The following CADM1 variants were observed in gnomAD, a reference collection of about 807,000 sequenced individuals.
CADM1 encodes cell adhesion molecule 1.
In CADM1, 15 loss-of-function variants were observed where a neutral mutation model predicts 53.1. The ratio of observed to expected loss-of-function variants is 0.28; its 90% CI spans 0.19 to 0.44. The LOEUF (loss-of-function observed/expected upper bound fraction) is 0.44. Among genes scored for constraint, CADM1 ranks in the 20% least tolerant of loss-of-function variants. The probability of loss-of-function intolerance (pLI) is 1.00; values close to 1 mark genes in which losing one functional copy is unlikely to be tolerated. For missense variants in CADM1, 434 were observed against 611.3 expected, an observed-to-expected ratio of 0.71 and a Z score of 3.06; for synonymous variants, 281 against 243.0, an observed-to-expected ratio of 1.16 and a Z score of -1.45.
At chr11:115,376,234 A>C (rs184362325) in intron 1 of CADM1, among the ~76,000 whole-genome samples, 2 of 152,308 alleles carry the variant, frequency 1.3e-5, no homozygotes, top group Admixed American at 1.3e-4. Flanking sequence ...TCTGGCTACC[A>C]TGAGGATTAA....
chr11:115,345,381 G>C (rs1945550081), intron 1 of CADM1, among the ~76,000 whole-genome samples: 1 of 152,130 alleles, frequency 6.6e-6, no homozygotes, highest in African/African-American at 2.4e-5. Flanking sequence ...AAATGTCAGT[G>C]CTCAGCAAGG....
At chr11:115,179,770 C>G (rs1427174360) in intron 10 of CADM1, among the ~76,000 whole-genome samples, 6 of 152,126 alleles carry the variant, frequency 3.9e-5, no homozygotes, top group Non-Finnish European at 7.4e-5. Flanking sequence ...AAATGATTTA[C>G]TAGCTGTACC....
At chr11:115,348,045 T>C (rs1945629188) in intron 1 of CADM1, among the ~76,000 whole-genome samples, 1 of 152,206 alleles carries the variant, frequency 6.6e-6, no homozygotes, top group South Asian at 2.1e-4. Context: ...GAACAGATTA[T>C]TCATTTTTGG....
intron 4 of CADM1, 26 bp downstream of exon 4, chr11:115,231,327 T>G (rs761745748): frequency 6.2e-7 from 1 of 1,613,666 alleles, no homozygotes; most frequent in Non-Finnish European, 8.5e-7. Context: ...GCTAACTACT[T>G]CAGTGTGTGG....
At chr11:115,194,584 C>G (rs187851127) in intron 9 of CADM1, among the ~76,000 whole-genome samples, 92 of 152,268 alleles carry the variant, frequency 6.0e-4, no homozygotes, top group Non-Finnish European at 9.7e-4. Context: ...TTCATGAGAT[C>G]ATCAGCCTCT....
In CADM1 at chr11:115,327,632, C is replaced by T. The variant is rs143515271; in HGVS notation, c.125-87212G>A. ...ACACAACACACCTACTGAGACCCAA[C>T]TTCATGACTAGAAGGCAGGAGAGTA... On this transcript the variant is annotated intron_variant, in intron 1 of 11. Coordinates refer to ENST00000331581, the MANE Select transcript of CADM1 (RefSeq NM_001301043.2). 4.7e-3 allele frequency among the ~76,000 whole-genome samples: 711 copies of T among 152,218 alleles called. 8 individuals carry two copies. The highest frequency in any genetic ancestry group is 0.016 in the African/African-American group (660 of 41,538).
intron 1 of CADM1, among the ~76,000 whole-genome samples, chr11:115,345,333 C>T (rs1945548935): frequency 6.6e-6 from 1 of 152,164 alleles, no homozygotes; most frequent in African/African-American, 2.4e-5. Flanking sequence ...TGTACCCCTC[C>T]TCATACATAA....
chr11:115,357,903 G>A (rs1945919352), intron 1 of CADM1, among the ~76,000 whole-genome samples: 1 of 152,046 alleles, frequency 6.6e-6, no homozygotes, highest in Non-Finnish European at 1.5e-5. Flanking sequence ...TCTGTCTTTT[G>A]GGAGCTTACA....
In CADM1 at chr11:115,238,490, C is replaced by T. The variant is rs183326317; in HGVS notation, c.424+10G>A. The T allele has an allele frequency of 6.2e-6, 10 of 1,613,576 alleles. No individual in the cohort carries two copies. The highest frequency in any genetic ancestry group is 1.7e-4 in the Middle Eastern group (1 of 6,056). ...CATTTCCCCGGGTAAGCCCCACATG[C>T]GTTTCTTACCCAGGACTGTGATGGT... On this transcript the variant is annotated intron_variant, in intron 3 of 11. Coordinates refer to ENST00000331581, the MANE Select transcript of CADM1 (RefSeq NM_001301043.2).
chr11:115,501,197 C>T (rs1020376351), intron 1 of CADM1, among the ~76,000 whole-genome samples: 1 of 152,150 alleles, frequency 6.6e-6, no homozygotes, highest in African/African-American at 2.4e-5. Flanking sequence ...TCCAGTGACA[C>T]ACTGTAAATA....
At chr11:115,356,384 A>G (rs1027480919) in intron 1 of CADM1, among the ~76,000 whole-genome samples, 2 of 152,076 alleles carry the variant, frequency 1.3e-5, no homozygotes, top group Admixed American at 6.6e-5. Context: ...TGTCTCCAAA[A>G]GCAAAACTAC....
At chr11:115,321,985 A>G (rs1449138768) in intron 1 of CADM1, among the ~76,000 whole-genome samples, 1 of 152,196 alleles carries the variant, frequency 6.6e-6, no homozygotes, top group Admixed American at 6.6e-5. Context: ...TACAGTCGCT[A>G]AAGTACATTT....
chr11:115,351,540 G>A (rs1167542003), intron 1 of CADM1, among the ~76,000 whole-genome samples: 2 of 152,126 alleles, frequency 1.3e-5, no homozygotes, highest in African/African-American at 4.8e-5. Flanking sequence ...TGAAATCAGC[G>A]AGCAATGAAG....
intron 1 of CADM1, among the ~76,000 whole-genome samples, chr11:115,424,534 T>A (rs542187376): frequency 6.6e-6 from 1 of 152,276 alleles, no homozygotes; most frequent in African/African-American, 2.4e-5. Context: ...GTTTTGTTTT[T>A]TGGGTTTTTT....
rs758835265 is a variant in CADM1 at position 115,175,938 on chromosome 11, T to A, written c.*536A>T. 2.7e-4 allele frequency: 272 copies of A among 1,016,744 alleles called. No homozygotes were observed. The highest frequency in any genetic ancestry group is 3.0e-4 in the Non-Finnish European group (254 of 849,096). 63.0% of individuals were successfully genotyped at this position (1,016,744 alleles called of 1,614,324 possible). On this transcript the variant is annotated 3_prime_UTR_variant, in exon 12 of 12. Coordinates refer to ENST00000331581, the MANE Select transcript of CADM1 (RefSeq NM_001301043.2). ...ATACACTAAATTCTGAACTATGAAA[T>A]CTAAGCTGTGCTGGTTCTCCTTTTA...
chr11:115,175,641 C>G lies in CADM1; in HGVS notation c.*833G>C. On this transcript the variant is annotated 3_prime_UTR_variant, in exon 12 of 12. Coordinates refer to ENST00000331581, the MANE Select transcript of CADM1 (RefSeq NM_001301043.2). Reference sequence around the variant, plus strand: ...TGGAAAAAGGAGGAGTCCTTTCTGCCCCAAACCTTTCTGGACAGCGTAGGG... The same window carrying G: ...TGGAAAAAGGAGGAGTCCTTTCTGCGCCAAACCTTTCTGGACAGCGTAGGG... The G allele has an allele frequency of 1.0e-6, 1 of 985,650 alleles. No individual in the cohort carries two copies. Among genetic ancestry groups the G allele is most frequent in the Non-Finnish European group, 1.2e-6 (1 of 829,988 alleles). The allele number at this position is 985,650 out of a possible 1,614,324, so 61.1% of individuals were successfully genotyped here.
At chr11:115,403,500 T>C (rs1342863996) in intron 1 of CADM1, among the ~76,000 whole-genome samples, 1 of 152,218 alleles carries the variant, frequency 6.6e-6, no homozygotes, top group African/African-American at 2.4e-5. Flanking sequence ...ATGTTAACAT[T>C]TGGAGAATCT....
intron 1 of CADM1, among the ~76,000 whole-genome samples, chr11:115,479,541 C>T (rs1949212925): frequency 6.6e-6 from 1 of 152,134 alleles, no homozygotes. Context: ...AAAGTCATGA[C>T]ATTTGGAGTC....
At position 115,462,080 on chromosome 11, in the gene CADM1, G is replaced by C. The variant is rs142090198; in HGVS notation, c.124+42191C>G. Reference sequence around the variant, plus strand: ...GCTGCCAAATAATGCTATCCAAAGAGGTACAGGCAGTGCTGCAGAACAAAT... The same window carrying C: ...GCTGCCAAATAATGCTATCCAAAGACGTACAGGCAGTGCTGCAGAACAAAT... On this transcript the variant is annotated intron_variant, in intron 1 of 11. Transcript: ENST00000331581. Among the ~76,000 whole-genome samples the C allele has an allele frequency of 5.1e-3, 769 of 152,230 alleles. 6 individuals are homozygous for C. The highest frequency in any genetic ancestry group is 0.018 in the African/African-American group (738 of 41,530).
Sources: gnomAD v4.1 joint callset for allele counts (sites outside exome capture counted in the v4.1 genomes callset) on GRCh38, gnomAD v4.1.1 for gene constraint, MANE v1.5 for transcripts, NCBI Gene and HGNC (gene_info 2026-07-23, HGNC 2026-07-21) for gene names.